CHD9: variants seen among roughly 807,000 people sequenced by gnomAD.
CHD9 encodes the protein ATP-dependent chromatin remodeler CHD9.
In CHD9, 77 loss-of-function variants were observed where a neutral mutation model predicts 316.1. That is an observed-to-expected ratio of 0.24 (90% CI 0.20 to 0.29). CHD9 has a LOEUF of 0.29. Ranked by LOEUF, CHD9 falls within the 10% of genes least tolerant of loss-of-function variation. The pLI is 1.00. For synonymous variants in CHD9, 1,129 were observed against 1,158.3 expected (o/e 0.97, Z 0.51); for missense variants, 2,763 against 3,438.1 (o/e 0.80, Z 4.91).
At chr16:53,158,491 G>A (rs1432325517) in intron 2 of CHD9, among the ~76,000 whole-genome samples, 2 of 152,012 alleles carry the variant, frequency 1.3e-5, no homozygotes, top group Non-Finnish European at 2.9e-5. Context: ...TTAGTAGTTG[G>A]GTGACTTTGA....
chr16:53,208,518 G>A, intron 2 of CHD9: 1 of 1,063,038 alleles, frequency 9.4e-7, no homozygotes, highest in Non-Finnish European at 1.1e-6. Flanking sequence ...TAGCCTGTAG[G>A]CCTTAAGGTG....
At position 53,303,832 on chromosome 16, in the gene CHD9, A is replaced by G. The variant is rs2055674789; in HGVS notation, c.5826A>G (p.Pro1942=). The change falls in exon 31 of 39, where the codon CCA becomes CCG. Residue 1942 remains proline (P), a synonymous_variant. Coordinates refer to ENST00000447540, the MANE Select transcript of CHD9 (RefSeq NM_001308319.2). ...RKVREQALRH[P]QLFERLKLCH... Reference sequence around the variant, plus strand: ...TACGGGAACAGGCCCTTCGACATCCACAGTTGTTTGAACGCTTGAAGCTTT... The same window carrying G: ...TACGGGAACAGGCCCTTCGACATCCGCAGTTGTTTGAACGCTTGAAGCTTT... 8 of 1,613,866 alleles carry G rather than the reference A, an allele frequency of 5.0e-6. No individual in the cohort carries two copies. Among genetic ancestry groups the G allele is most frequent in the Non-Finnish European group, 6.8e-6 (8 of 1,179,894 alleles).
At position 53,304,079 on chromosome 16, in the gene CHD9, G is replaced by A. The variant is rs2055695945; in HGVS notation, c.6073G>A (p.Ala2025Thr). The stretch of plus-strand genomic sequence containing the variant: ...ACAGCAATATCAAGTAGCACTTTCT[G>A]CTTCTCCTCTTACCTCTCTACCTAG... ...LLQQYQVALS[A>T]SPLTSLPRLL... The change falls in exon 31 of 39, where the codon GCT becomes ACT. Residue 2025 changes from alanine to threonine, a missense_variant. By Grantham distance (58) the Ala-to-Thr change is moderately conservative. Around this residue, in one of 15 missense-constraint regions of CHD9, gnomAD observed 663 missense variants for 751.2 expected, o/e 0.88. Transcript: ENST00000447540. 1 of 1,613,968 alleles carries A rather than the reference G, an allele frequency of 6.2e-7. No individual in the cohort carries two copies. The highest frequency in any genetic ancestry group is 8.5e-7 in the Non-Finnish European group (1 of 1,179,882).
chr16:53,283,579 G>A (rs567106350), intron 24 of CHD9, among the ~76,000 whole-genome samples: 1 of 152,124 alleles, frequency 6.6e-6, no homozygotes, highest in Admixed American at 6.5e-5. Flanking sequence ...TCTCCTCTGG[G>A]ATTCTGTTTC....
At chr16:53,069,893 C>G (rs760219667) in intron 1 of CHD9, among the ~76,000 whole-genome samples, 2 of 147,754 alleles carry the variant, frequency 1.4e-5, no homozygotes, top group Non-Finnish European at 1.5e-5. Context: ...TCCTTGTCAA[C>G]GTTTGTTATT....
At chr16:53,070,470 G>GTCTT (rs1190166277) in intron 1 of CHD9, among the ~76,000 whole-genome samples, 25 of 150,954 alleles carry the variant, frequency 1.7e-4, no homozygotes, top group Non-Finnish European at 2.1e-4. Flanking sequence ...CGAGTAGCAT[G>GTCTT]TCTTTCTTTC....
At chr16:53,305,429 A>G (rs759249029) in intron 31 of CHD9, among the ~76,000 whole-genome samples, 27 of 152,242 alleles carry the variant, frequency 1.8e-4, no homozygotes, top group Non-Finnish European at 3.2e-4. Context: ...CTAGTTACTG[A>G]TACAAATTCC....
chr16:53,302,862 G>A (rs1256820833), intron 30 of CHD9, among the ~76,000 whole-genome samples: 1 of 152,158 alleles, frequency 6.6e-6, no homozygotes, highest in Admixed American at 6.5e-5. Context: ...TACTTCCCAA[G>A]TGTCAGTAAC....
At chr16:53,087,963 T>G (rs1444509576) in intron 1 of CHD9, among the ~76,000 whole-genome samples, 1 of 147,728 alleles carries the variant, frequency 6.8e-6, no homozygotes. Flanking sequence ...AAAAAAAAAA[T>G]AGAAATCCAA....
intron 1 of CHD9, among the ~76,000 whole-genome samples, chr16:53,115,524 A>C (rs1265209525): frequency 6.6e-6 from 1 of 152,216 alleles, no homozygotes. Context: ...CTTTTGCACC[A>C]ACCTAAAAAT....
intron 1 of CHD9, among the ~76,000 whole-genome samples, chr16:53,055,576 G>A (rs1175412747): frequency 6.6e-6 from 1 of 150,882 alleles, no homozygotes; most frequent in Non-Finnish European, 1.5e-5. Flanking sequence ...AGAGATTCCA[G>A]CTGGCAGCCA....
chr16:53,318,056 C>A (rs548077638), intron 36 of CHD9, among the ~76,000 whole-genome samples, 156 bp from the exon 37 acceptor site: 29 of 148,584 alleles, frequency 2.0e-4, no homozygotes, highest in African/African-American at 7.2e-4. Context: ...GACCCTGTCT[C>A]AAAAAAAAAT....
chr16:53,286,230 T>C lies in CHD9; in HGVS notation c.5076T>C (p.Tyr1692=), dbSNP rs371931063. 6.3e-7 allele frequency: 1 copy of C among 1,588,126 alleles called. No individual in the cohort carries two copies. Among genetic ancestry groups the C allele is most frequent in the Non-Finnish European group, 8.6e-7 (1 of 1,157,204 alleles). Residue 1692 remains tyrosine (Y), a synonymous_variant, in exon 26 of 39, where the codon TAT becomes TAC. Transcript: ENST00000447540. ...SLLIGVFKHG[Y]EKYNTIRADP... is the part of the protein sequence containing the mutation. ...TGTAATTGGTGATGTTTTCAGGATA[T>C]GAAAAATATAACACTATTCGAGCAG...
chr16:53,196,208 G>A (rs1377272773), intron 2 of CHD9, among the ~76,000 whole-genome samples: 1 of 152,056 alleles, frequency 6.6e-6, no homozygotes, highest in Non-Finnish European at 1.5e-5. Flanking sequence ...GTGTTTGTGT[G>A]TTTATTTTCA....
At chr16:53,264,751 G>T (rs564339417) in intron 20 of CHD9, among the ~76,000 whole-genome samples, 10 of 152,268 alleles carry the variant, frequency 6.6e-5, no homozygotes, top group Admixed American at 3.3e-4. Context: ...TGAAGAGAAA[G>T]AGCCAATACA....
chr16:53,205,128 A>T (rs1182648914), intron 2 of CHD9, among the ~76,000 whole-genome samples: 1 of 152,218 alleles, frequency 6.6e-6, no homozygotes, highest in Non-Finnish European at 1.5e-5. Context: ...GGCATGAGCC[A>T]CCGCGCCCGA....
At chr16:53,188,360 T>C (rs2044202224) in intron 2 of CHD9, among the ~76,000 whole-genome samples, 1 of 152,188 alleles carries the variant, frequency 6.6e-6, no homozygotes, top group Admixed American at 6.5e-5. Context: ...ATTATATAAT[T>C]CTTTCTTATG....
chr16:53,204,697 G>T (rs754067399), intron 2 of CHD9, among the ~76,000 whole-genome samples: 1 of 152,014 alleles, frequency 6.6e-6, no homozygotes, highest in Non-Finnish European at 1.5e-5. Context: ...ATGATATATA[G>T]AGTCTTCCAT....
At position 53,245,011 on chromosome 16, in the gene CHD9, G is replaced by A. The variant is rs1457807039; in HGVS notation, c.3055-325G>A. ...CATACCTGTAGTCCTAGCTACTCGG[G>A]AGTCTGAGGCAGGAGGATCCCTTAA... On this transcript the variant is annotated intron_variant, in intron 13 of 38. Transcript: ENST00000447540. The surrounding 1 kb of genome is among the most constrained non-coding windows in gnomAD (Gnocchi z 4.1). 1.3e-5 allele frequency among the ~76,000 whole-genome samples: 2 copies of A among 151,978 alleles called. No individual in the cohort carries two copies. The highest frequency in any genetic ancestry group is 2.9e-5 in the Non-Finnish European group (2 of 67,998).
Sources: gnomAD v4.1 joint callset for allele counts (sites outside exome capture counted in the v4.1 genomes callset) on GRCh38, gnomAD v4.1.1 for gene constraint, gnomAD v4.1.1 regional missense constraint, Gnocchi (gnomAD v3.1) non-coding constraint, MANE v1.5 for transcripts, NCBI Gene and HGNC (gene_info 2026-07-23, HGNC 2026-07-21) for gene names.